ARHGAP15: variants seen among roughly 807,000 people sequenced by gnomAD.
ARHGAP15 encodes the protein Rho GTPase activating protein 15.
Under a neutral mutation model 63.7 loss-of-function variants are expected in ARHGAP15, and 51 were observed. The ratio of observed to expected loss-of-function variants is 0.80; its 90% confidence interval spans 0.64 to 1.01. ARHGAP15 has a LOEUF of 1.01. Among genes scored for constraint, ARHGAP15 ranks in the 50% least tolerant of loss-of-function variants. ARHGAP15 has a pLI of 0.00. For synonymous variants in ARHGAP15, 191 were observed against 193.8 expected (o/e 0.99, Z 0.12); for missense variants, 560 against 564.6 (o/e 0.99, Z 0.08).
chr2:143,651,843 G>A (rs1681181125), intron 12 of ARHGAP15, among the ~76,000 whole-genome samples: 1 of 151,844 alleles, frequency 6.6e-6, no homozygotes, highest in Admixed American at 6.6e-5. Flanking sequence ...ATGCTTATTT[G>A]CCATCTTCAT....
chr2:143,583,461 G>A (rs574953879), intron 11 of ARHGAP15, among the ~76,000 whole-genome samples: 4 of 151,932 alleles, frequency 2.6e-5, no homozygotes, highest in Non-Finnish European at 5.9e-5. Flanking sequence ...AGATTTTTAC[G>A]AACTGTTACT....
chr2:143,416,815 C>T (rs1688700659), intron 6 of ARHGAP15, among the ~76,000 whole-genome samples: 1 of 40,108 alleles, frequency 2.5e-5, no homozygotes, highest in African/African-American at 7.3e-5. Context: ...TGCCACTTCC[C>T]CCACCACCCC....
intron 13 of ARHGAP15, among the ~76,000 whole-genome samples, chr2:143,757,288 T>C (rs1008173717): frequency 2.0e-5 from 3 of 152,096 alleles, no homozygotes; most frequent in African/African-American, 7.2e-5. Context: ...GATGGGCAGA[T>C]CACTTTAGAT....
chr2:143,271,506 C>T (rs1003562644), intron 6 of ARHGAP15, among the ~76,000 whole-genome samples: 1 of 152,248 alleles, frequency 6.6e-6, no homozygotes, highest in South Asian at 2.1e-4. Context: ...GACGGAGTCT[C>T]GCTCTGTCGC....
chr2:143,175,749 G>A (rs979086272), intron 2 of ARHGAP15, among the ~76,000 whole-genome samples: 1 of 151,936 alleles, frequency 6.6e-6, no homozygotes, highest in African/African-American at 2.4e-5. Flanking sequence ...TTTGGGGGAG[G>A]CCTCTCTAAC....
chr2:143,306,136 A>T (rs188815458), intron 6 of ARHGAP15, among the ~76,000 whole-genome samples: 11 of 152,274 alleles, frequency 7.2e-5, no homozygotes, highest in Admixed American at 3.3e-4. Flanking sequence ...GCAAATTGTG[A>T]ATTTCTTATA....
chr2:143,392,382 A>C (rs1054485184), intron 6 of ARHGAP15, among the ~76,000 whole-genome samples: 1 of 152,210 alleles, frequency 6.6e-6, no homozygotes, highest in Non-Finnish European at 1.5e-5. Context: ...TATTTGTAAA[A>C]ATATGTATTG....
chr2:143,501,583 A>T (rs1163392693), intron 9 of ARHGAP15, among the ~76,000 whole-genome samples: 1 of 152,240 alleles, frequency 6.6e-6, no homozygotes, highest in African/African-American at 2.4e-5. Flanking sequence ...AGATACCTCC[A>T]GTTCTCTAGC....
intron 9 of ARHGAP15, among the ~76,000 whole-genome samples, chr2:143,509,128 C>T (rs781263624): frequency 2.0e-5 from 3 of 152,192 alleles, no homozygotes; most frequent in Non-Finnish European, 4.4e-5. Flanking sequence ...CCTCTTCCCC[C>T]AGGCTAGTCT....
At chr2:143,550,653 A>G (rs1695517629) in intron 10 of ARHGAP15, among the ~76,000 whole-genome samples, 1 of 152,242 alleles carries the variant, frequency 6.6e-6, no homozygotes, top group Admixed American at 6.5e-5. Flanking sequence ...CATTGCAGAA[A>G]CTTCTGTTGG....
At chr2:143,742,841 G>A (rs1686012539) in intron 13 of ARHGAP15, among the ~76,000 whole-genome samples, 2 of 152,194 alleles carry the variant, frequency 1.3e-5, no homozygotes. Context: ...CCCTGACAGA[G>A]CGAGTTCTCA....
At chr2:143,505,463 A>G (rs750674749) in intron 9 of ARHGAP15, among the ~76,000 whole-genome samples, 14 of 152,352 alleles carry the variant, frequency 9.2e-5, no homozygotes, top group Admixed American at 5.2e-4. Flanking sequence ...AAACTGAAAA[A>G]TGAGAAACAC....
chr2:143,198,814 T>C (rs1691990802), intron 2 of ARHGAP15, among the ~76,000 whole-genome samples: 1 of 152,160 alleles, frequency 6.6e-6, no homozygotes, highest in South Asian at 2.1e-4. Context: ...ATCAATATTG[T>C]GGAGACATTT....
At chr2:143,341,118 G>T (rs1475611068) in intron 6 of ARHGAP15, among the ~76,000 whole-genome samples, 2 of 151,926 alleles carry the variant, frequency 1.3e-5, no homozygotes, top group Non-Finnish European at 2.9e-5. Flanking sequence ...GAAGCCAGCG[G>T]GTCCTGCTTT....
intron 1 of ARHGAP15, 146 bp from the exon 2 acceptor site, chr2:143,155,331 A>C: frequency 1.4e-6 from 1 of 692,734 alleles, no homozygotes. Flanking sequence ...TTACAAAGGA[A>C]CTACTTTTTT....
chr2:143,305,837 T>TTAA (rs1683142865), intron 6 of ARHGAP15, among the ~76,000 whole-genome samples: 1 of 152,100 alleles, frequency 6.6e-6, no homozygotes, highest in Non-Finnish European at 1.5e-5. Flanking sequence ...TTTTAGCAAC[T>TTAA]GTTGTAAACA....
At position 143,153,843 on chromosome 2, in the gene ARHGAP15, T is replaced by TTCTTCTTCCTCTTCCTCC. The variant is rs1689957969; in HGVS notation, c.-14-1632_-14-1631insTTCTTCCTCTTCCTCCTC. On this transcript the variant is annotated intron_variant, in intron 1 of 13. Transcript: ENST00000295095. ...CTTCTTCTTCTTCTTCTTCTTCTTC[T>TTCTTCTTCCTCTTCCTCC]TCCTCCTCCTCCTCCTCCTCCTCCT... Among the ~76,000 whole-genome samples the TTCTTCTTCCTCTTCCTCC allele has an allele frequency of 6.4e-4, 56 of 86,886 alleles. 3 individuals carry two copies. The highest frequency in any genetic ancestry group is 3.8e-3 in the East Asian group (9 of 2,390). The allele number at this position is 86,886 out of a possible 152,430, so 57.0% of individuals were successfully genotyped here.
chr2:143,435,716 G>T lies in ARHGAP15; in HGVS notation c.573+17G>T, dbSNP rs1208940494. Reference sequence around the variant, plus strand: ...GACAGATTGGTATGTATTTGTTTTGGCTGTTACCTTTATTAATTAAAATGT... The same window carrying T: ...GACAGATTGGTATGTATTTGTTTTGTCTGTTACCTTTATTAATTAAAATGT... On this transcript the variant is annotated intron_variant, in intron 7 of 13. Coordinates refer to ENST00000295095, the MANE Select transcript of ARHGAP15 (RefSeq NM_018460.4). 7 of 1,594,920 alleles carry T rather than the reference G, an allele frequency of 4.4e-6. No homozygotes were observed. Among genetic ancestry groups the T allele is most frequent in the Non-Finnish European group, 6.0e-6 (7 of 1,173,838 alleles).
chr2:143,765,255 A>G (rs535706371), intron 13 of ARHGAP15, among the ~76,000 whole-genome samples: 224 of 152,206 alleles, frequency 1.5e-3, no homozygotes, highest in African/African-American at 5.2e-3. Flanking sequence ...CTTTTATAAT[A>G]GGCATATCTG....
Sources: gnomAD v4.1 joint callset for allele counts (sites outside exome capture counted in the v4.1 genomes callset) on GRCh38, gnomAD v4.1.1 for gene constraint, MANE v1.5 for transcripts, NCBI Gene and HGNC (gene_info 2026-07-23, HGNC 2026-07-21) for gene names.